ENTPD5: variants seen among roughly 807,000 people sequenced by gnomAD.
ENTPD5 encodes ectonucleoside triphosphate diphosphohydrolase 5 (inactive), also known as nucleoside diphosphate phosphatase ENTPD5.
A neutral mutation model predicts 60.2 loss-of-function variants in ENTPD5; 49 were observed. The observed-to-expected ratio is 0.81, with a 90% CI of 0.65 to 1.03. The LOEUF (loss-of-function observed/expected upper bound fraction) is 1.03, where lower values mean the gene tolerates loss of function less well. ENTPD5 is among the 50% of genes least tolerant of loss of function. The probability of loss-of-function intolerance (pLI) is 0.00; values close to 1 mark genes in which losing one functional copy is unlikely to be tolerated. For missense variants in ENTPD5, 480 were observed against 507.6 expected, an observed-to-expected ratio of 0.95 and a Z score of 0.52; for synonymous variants, 187 against 185.4, an observed-to-expected ratio of 1.01 and a Z score of -0.07.
At position 73,973,861 on chromosome 14, in the gene ENTPD5, A is replaced by T. The variant is rs950131051; in HGVS notation, c.886+16T>A. On this transcript the variant is annotated intron_variant, in intron 12 of 15. Transcript: ENST00000334696. ...ATTGTAAACGTAACTTTAACCAGTG[A>T]AAAAACATCACTTGCCTTCTTGGTT... The T allele has an allele frequency of 5.6e-6, 9 of 1,610,186 alleles. No individual in the cohort carries two copies. Among genetic ancestry groups the T allele is most frequent in the Middle Eastern group, 1.7e-4 (1 of 6,054 alleles).
At chr14:73,960,549 A>G (rs2056667987), downstream of ENTPD5, 1 of 1,005,484 alleles carries the variant, frequency 9.9e-7, no homozygotes, top group Admixed American at 5.1e-5. Context: ...TGGGCCATTT[A>G]GTATATATTC....
At chr14:73,956,327 C>CA (rs34194477), downstream of ENTPD5, 59,526 of 146,112 alleles carry the variant, frequency 0.41, 11,984 homozygotes, top group Middle Eastern at 0.51. Flanking sequence ...GACTCCGTCT[C>CA]AAAAAAAAAA....
At chr14:73,959,578 G>GT (rs771397966), downstream of ENTPD5, 2 of 1,608,896 alleles carry the variant, frequency 1.2e-6, no homozygotes, top group South Asian at 1.1e-5. Context: ...ACAGAAAGGT[G>GT]TTGTTTTTTT....
intron 1 of ENTPD5, chr14:74,018,353 T>C (rs1380135943): frequency 6.6e-6 from 1 of 152,044 alleles, no homozygotes; most frequent in African/African-American, 2.4e-5. Context: ...CCTAGAGAAA[T>C]GGTGACGAAG....
In ENTPD5 at chr14:73,996,119, T is replaced by C. The variant is rs574094789; in HGVS notation, c.-70-7947A>G. The C allele has an allele frequency of 1.2e-5, 12 of 985,154 alleles. No individual in the cohort carries two copies. The South Asian group carries it at 5.6e-4, about 46-fold the overall frequency. 61.0% of individuals were successfully genotyped at this position (985,154 alleles called of 1,614,324 possible). A position where few individuals can be genotyped will look rare whatever the true frequency, so the allele number is the denominator to read the frequency against. ...ATTCATGTGCTCACCTGCTTGTGTC[T>C]GCCGGTTCCCTGAGTCCTTGCTTTC... is the stretch of plus-strand genomic sequence containing the variant. On this transcript the variant is annotated intron_variant, in intron 3 of 15. Coordinates refer to ENST00000334696, the MANE Select transcript of ENTPD5 (RefSeq NM_001249.5).
chr14:73,987,774 C>T (rs911316241), intron 4 of ENTPD5, 112 bp downstream of exon 4: 9 of 872,994 alleles, frequency 1.0e-5, no homozygotes, highest in African/African-American at 5.1e-5. Flanking sequence ...AAGACATCCA[C>T]TAGGTGTGAG....
At chr14:74,005,275 AAAAAAAG>A (rs1435828483) in intron 3 of ENTPD5, among the ~76,000 whole-genome samples, 153 of 118,040 alleles carry the variant, frequency 1.3e-3, no homozygotes, top group Middle Eastern at 5.2e-3. Flanking sequence ...CAAAAAAAAA[AAAAAAAG>A]AAAAAAAGAA....
In ENTPD5 at chr14:74,005,134, G is replaced by A. The variant is rs8019173; in HGVS notation, c.-71+5957C>T. 3.3e-3 allele frequency among the ~76,000 whole-genome samples: 504 copies of A among 151,550 alleles called. 7 individuals carry two copies. Among genetic ancestry groups the A allele is most frequent in the African/African-American group, 0.011 (472 of 41,338 alleles). ...AAGCCAGGTTAGCTGGGCATGATGG[G>A]ACATGCCTGTAATCCCAGCTACTCG... On this transcript the variant is annotated intron_variant, in intron 3 of 15. Transcript: ENST00000334696.
At chr14:73,987,245 C>A in intron 4 of ENTPD5, 1 of 673,758 alleles carries the variant, frequency 1.5e-6, no homozygotes, top group Non-Finnish European at 2.7e-6. Context: ...ATCCTTCTCC[C>A]AAAACCACTC....
At chr14:73,976,235 C>T in intron 9 of ENTPD5, 89 bp downstream of exon 9, 1 of 1,146,544 alleles carries the variant, frequency 8.7e-7, no homozygotes, top group Non-Finnish European at 1.3e-6. Context: ...CGTGGTAGAG[C>T]TGCTGGCTGA....
intron 3 of ENTPD5, among the ~76,000 whole-genome samples, chr14:73,994,454 T>G (rs1289733289): frequency 6.6e-6 from 1 of 151,024 alleles, no homozygotes; most frequent in African/African-American, 2.4e-5. Flanking sequence ...ATAACTAATG[T>G]GCCAGGTGCA....
At chr14:73,979,038 C>T (rs1276216021) in intron 6 of ENTPD5, among the ~76,000 whole-genome samples, 4 of 152,202 alleles carry the variant, frequency 2.6e-5, no homozygotes, top group Non-Finnish European at 5.9e-5. Context: ...GCTCTTTCCT[C>T]TCCAGCTATG....
chr14:74,000,344 C>A (rs931878613), intron 3 of ENTPD5, among the ~76,000 whole-genome samples: 3 of 151,926 alleles, frequency 2.0e-5, no homozygotes, highest in Non-Finnish European at 4.4e-5. Flanking sequence ...GTAGTCCCAG[C>A]TATTTGGGAG....
intron 13 of ENTPD5, 90 bp from the exon 14 acceptor site, chr14:73,971,998 C>T: frequency 3.7e-6 from 3 of 807,696 alleles, no homozygotes; most frequent in Non-Finnish European, 4.4e-6. Context: ...TACACATGTA[C>T]ATAATGTAAT....
chr14:73,980,255 TTTTCAG>T (rs2057627143), intron 6 of ENTPD5, among the ~76,000 whole-genome samples: 1 of 149,676 alleles, frequency 6.7e-6, no homozygotes, highest in African/African-American at 2.5e-5. Flanking sequence ...CCTACTATGA[TTTTCAG>T]TTTCAATCTT....
chr14:73,992,573 A>G (rs1175619752), intron 3 of ENTPD5, among the ~76,000 whole-genome samples: 1 of 151,702 alleles, frequency 6.6e-6, no homozygotes, highest in African/African-American at 2.4e-5. Flanking sequence ...CGCTCCAGTT[A>G]CTAGGGAGGC....
At chr14:73,977,125 G>GT (rs141812276) in intron 7 of ENTPD5, 66 bp from the exon 8 acceptor site, 125,027 of 1,003,264 alleles carry the variant, frequency 0.12, 16 homozygotes, top group South Asian at 0.17. Context: ...CCCCAACCTT[G>GT]TTTTTTTTTT....
chr14:73,958,495 C>T, downstream of ENTPD5: 1 of 1,381,640 alleles, frequency 7.2e-7, no homozygotes, highest in Non-Finnish European at 9.4e-7. Context: ...TGTGAAATAA[C>T]AGATAGCTGG....
chr14:73,981,730 C>A (rs1383523212), intron 6 of ENTPD5, among the ~76,000 whole-genome samples: 2 of 151,116 alleles, frequency 1.3e-5, no homozygotes, highest in East Asian at 3.9e-4. Context: ...TTGCTTGAAC[C>A]TGGGAGGTGG....
Sources: allele counts gnomAD v4.1 joint callset (sites outside exome capture counted in the v4.1 genomes callset), GRCh38; gene constraint gnomAD v4.1.1; transcripts MANE v1.5; gene names NCBI Gene and HGNC (gene_info 2026-07-23, HGNC 2026-07-21).